Variants in CAMKMT observed in about 807,000 individuals in gnomAD.
CAMKMT encodes the protein calmodulin-lysine N-methyltransferase, also known as CaM KMT.
In CAMKMT, 53 loss-of-function variants were observed where a neutral mutation model predicts 48.0. That is an observed-to-expected ratio of 1.10 (90% CI 0.89 to 1.39). The LOEUF (loss-of-function observed/expected upper bound fraction) is 1.39, where lower values mean the gene tolerates loss of function less well. CAMKMT is among the 40% of genes most tolerant of loss of function. CAMKMT has a pLI of 0.00. For missense variants in CAMKMT, 428 were observed against 402.7 expected (o/e 1.06, Z -0.54); for synonymous variants, 165 against 152.3 (o/e 1.08, Z -0.61).
chr2:44,470,142 G>T lies in CAMKMT; in HGVS notation c.376+79837G>T, dbSNP rs561797700. On this transcript the variant is annotated intron_variant, in intron 3 of 10. Coordinates refer to ENST00000378494, the MANE Select transcript of CAMKMT (RefSeq NM_024766.5). Reference sequence around the variant, plus strand: ...TGCGGCTCATTTTAATGTAAAAGTAGTTATTCTAAATATTTAGGTAGGAGG... The same window carrying T: ...TGCGGCTCATTTTAATGTAAAAGTATTTATTCTAAATATTTAGGTAGGAGG... Among the ~76,000 whole-genome samples, 6 of 151,830 alleles carry T rather than the reference G, an allele frequency of 4.0e-5. No homozygotes were observed. The South Asian group carries it at 1.0e-3, about 26-fold the overall frequency.
chr2:44,672,503 T>G (rs1675390612), intron 3 of CAMKMT, among the ~76,000 whole-genome samples: 1 of 152,222 alleles, frequency 6.6e-6, no homozygotes, highest in Non-Finnish European at 1.5e-5. Context: ...CCCAACTATT[T>G]GTACCATTAG....
At chr2:44,608,905 G>T (rs1263560309) in intron 3 of CAMKMT, among the ~76,000 whole-genome samples, 1 of 152,086 alleles carries the variant, frequency 6.6e-6, no homozygotes, top group Non-Finnish European at 1.5e-5. Context: ...AGTATTTTAA[G>T]ATTATTTTCC....
At chr2:44,566,649 A>T (rs79767194) in intron 3 of CAMKMT, among the ~76,000 whole-genome samples, 4,195 of 152,248 alleles carry the variant, frequency 0.028, 185 homozygotes, top group African/African-American at 0.095. Flanking sequence ...TTTAAAAAAA[A>T]AATTAGCCAT....
At chr2:44,408,758 T>C (rs1053532555) in intron 3 of CAMKMT, among the ~76,000 whole-genome samples, 8 of 152,096 alleles carry the variant, frequency 5.3e-5, no homozygotes, top group African/African-American at 1.9e-4. Context: ...ATTAATTTTT[T>C]TGAGACAGGG....
chr2:44,692,585 C>G (rs886975994), intron 3 of CAMKMT, among the ~76,000 whole-genome samples: 3 of 152,190 alleles, frequency 2.0e-5, no homozygotes, highest in Non-Finnish European at 4.4e-5. Flanking sequence ...CTAGAACAGG[C>G]CTGGCTGCCT....
At position 44,594,612 on chromosome 2, in the gene CAMKMT, C is replaced by T. The variant is rs558602149; in HGVS notation, c.377-109671C>T. On this transcript the variant is annotated intron_variant, in intron 3 of 10. Transcript: ENST00000378494. ...GCTGGGAAAACTGGCTAGCCATATG[C>T]AGGAAGCTGAAACTGGATCCCTTCC... Among the ~76,000 whole-genome samples, 295 of 152,210 alleles carry T rather than the reference C, an allele frequency of 1.9e-3. No individual in the cohort carries two copies. The Middle Eastern group carries it at 0.024, about 12-fold the overall frequency.
At chr2:44,605,687 G>T (rs1455741144) in intron 3 of CAMKMT, among the ~76,000 whole-genome samples, 6 of 152,102 alleles carry the variant, frequency 3.9e-5, no homozygotes, top group African/African-American at 1.4e-4. Context: ...ACAAGAAAAT[G>T]ACTTGTCAAA....
intron 3 of CAMKMT, among the ~76,000 whole-genome samples, chr2:44,667,105 C>T (rs774921058): frequency 1.3e-5 from 2 of 152,148 alleles, no homozygotes; most frequent in Admixed American, 6.5e-5. Context: ...AGGCAAAACC[C>T]GAGAGACCTT....
In CAMKMT at chr2:44,653,464, A is replaced by T. The variant is rs1178458449; in HGVS notation, c.377-50819A>T. Among the ~76,000 whole-genome samples, 1 of 152,218 alleles carries T rather than the reference A, an allele frequency of 6.6e-6. No homozygotes were observed. The highest frequency in any genetic ancestry group is 1.5e-5 in the Non-Finnish European group (1 of 68,028). On this transcript the variant is annotated intron_variant, in intron 3 of 10. Transcript: ENST00000378494. This position sits in a 1 kb window ranked among gnomAD's most constrained non-coding sequence, Gnocchi z 5.2. The stretch of plus-strand genomic sequence containing the variant: ...AGTTTTATCTCATTGATAGAGAAAC[A>T]TGGGCCCTTAGGAGTGAAGTAACTT...
intron 3 of CAMKMT, among the ~76,000 whole-genome samples, chr2:44,589,347 A>G (rs1670116579): frequency 7.6e-5 from 4 of 52,646 alleles, no homozygotes; most frequent in Non-Finnish European, 1.2e-4. Context: ...GGAAGTGAGG[A>G]GCCCCTCTGC....
intron 3 of CAMKMT, among the ~76,000 whole-genome samples, chr2:44,663,163 A>T (rs1217684593): frequency 6.6e-6 from 1 of 152,200 alleles, no homozygotes; most frequent in African/African-American, 2.4e-5. Context: ...CTAATCCATG[A>T]TCCACACTCA....
chr2:44,523,225 T>C (rs930746598), intron 3 of CAMKMT, among the ~76,000 whole-genome samples: 2 of 151,914 alleles, frequency 1.3e-5, no homozygotes, highest in African/African-American at 4.8e-5. Flanking sequence ...TTTGGGATAG[T>C]CACAGCAGGC....
chr2:44,767,890 A>T (rs1680911712), intron 10 of CAMKMT, among the ~76,000 whole-genome samples: 1 of 152,138 alleles, frequency 6.6e-6, no homozygotes, highest in Admixed American at 6.5e-5. Flanking sequence ...CGTGCCATTC[A>T]CTTTCCCCCT....
intron 3 of CAMKMT, among the ~76,000 whole-genome samples, chr2:44,598,095 TA>T (rs1365191034): frequency 6.6e-6 from 1 of 152,096 alleles, no homozygotes; most frequent in African/African-American, 2.4e-5. Context: ...ATAATGATTA[TA>T]ATTTTTCATT....
intron 8 of CAMKMT, among the ~76,000 whole-genome samples, chr2:44,749,483 G>C (rs989051785): frequency 6.6e-6 from 1 of 152,184 alleles, no homozygotes; most frequent in African/African-American, 2.4e-5. Context: ...TAATAGTAAA[G>C]CAAAATGAAG....
At chr2:44,401,932 G>C (rs1351302311) in intron 3 of CAMKMT, among the ~76,000 whole-genome samples, 4 of 152,008 alleles carry the variant, frequency 2.6e-5, no homozygotes, top group African/African-American at 9.7e-5. Context: ...CTTCCTTTTT[G>C]TTTGGTCTGT....
chr2:44,482,955 A>C (rs1309727681), intron 3 of CAMKMT, among the ~76,000 whole-genome samples: 1 of 152,178 alleles, frequency 6.6e-6, no homozygotes, highest in African/African-American at 2.4e-5. Flanking sequence ...CTTAAAGTCA[A>C]CATTTCTTAT....
At chr2:44,671,535 A>C (rs1558785245) in intron 3 of CAMKMT, among the ~76,000 whole-genome samples, 1 of 152,234 alleles carries the variant, frequency 6.6e-6, no homozygotes, top group Non-Finnish European at 1.5e-5. Flanking sequence ...GTTCAACAGC[A>C]GCAGTGGCCT....
At chr2:44,559,438 T>G (rs1668206663) in intron 3 of CAMKMT, among the ~76,000 whole-genome samples, 1 of 152,264 alleles carries the variant, frequency 6.6e-6, no homozygotes, top group South Asian at 2.1e-4. Flanking sequence ...TGCTCTGCTC[T>G]CTAGAGCACC....
Sources: gnomAD v4.1 joint callset for allele counts (sites outside exome capture counted in the v4.1 genomes callset) on GRCh38, gnomAD v4.1.1 for gene constraint, Gnocchi (gnomAD v3.1) non-coding constraint, MANE v1.5 for transcripts, NCBI Gene and HGNC (gene_info 2026-07-23, HGNC 2026-07-21) for gene names.